OSBPL5: variants seen among roughly 807,000 people sequenced by gnomAD.
OSBPL5 encodes the protein oxysterol binding protein like 5.
Under a neutral mutation model 111.2 loss-of-function variants are expected in OSBPL5, and 71 were observed. The observed-to-expected ratio is 0.64, with a 90% confidence interval of 0.53 to 0.78. OSBPL5 has a LOEUF of 0.78. Among genes scored for constraint, OSBPL5 ranks in the 30% least tolerant of loss-of-function variants. The pLI, the probability that OSBPL5 is intolerant of heterozygous loss-of-function variation, is 0.00. For missense variants in OSBPL5, 1,210 were observed against 1,189.3 expected (o/e 1.02, Z -0.26); for synonymous variants, 549 against 513.9 (o/e 1.07, Z -0.93).
rs1846144152 is a variant in OSBPL5, at chr11:3,142,208, C to T, written c.-21-13039G>A. 6.6e-6 allele frequency among the ~76,000 whole-genome samples: 1 copy of T among 152,236 alleles called. No individual in the cohort carries two copies. The highest frequency in any genetic ancestry group is 2.4e-5 in the African/African-American group (1 of 41,458). On this transcript the variant is annotated intron_variant, in intron 1 of 21. Transcript: ENST00000263650. This position sits in a 1 kb window ranked among gnomAD's most constrained non-coding sequence, Gnocchi z 7.1. ...TGCTGGGATTACAGGCGTGAGCCACCGTGCCCGGCCGACAGCTGGTTTCTG... is the reference window on the plus strand; with the variant it reads ...TGCTGGGATTACAGGCGTGAGCCACTGTGCCCGGCCGACAGCTGGTTTCTG...
chr11:3,130,406 TG>T lies in OSBPL5; in HGVS notation c.-21-1238del, dbSNP rs200747937. Among the ~76,000 whole-genome samples, 1 of 152,094 alleles carries T rather than the reference TG, an allele frequency of 6.6e-6. No homozygotes were observed. The highest frequency in any genetic ancestry group is 2.4e-5 in the African/African-American group (1 of 41,400). The stretch of plus-strand genomic sequence containing the variant: ...TTTCTCCCATGGTCCTGGGCTTTGC[TG>T]GGGGGGGCCTCAGACACACAGAGAC... On this transcript the variant is annotated intron_variant, in intron 1 of 21. Coordinates refer to ENST00000263650, the MANE Select transcript of OSBPL5 (RefSeq NM_020896.4). The surrounding 1 kb of genome is among the most constrained non-coding windows in gnomAD (Gnocchi z 4.5).
intron 17 of OSBPL5, chr11:3,093,325 G>T: frequency 1.1e-6 from 1 of 885,410 alleles, no homozygotes; most frequent in Non-Finnish European, 1.7e-6. Context: ...GGTCACGGCA[G>T]CCGGCTCCTC....
chr11:3,124,467 C>A (rs1018299370), intron 3 of OSBPL5, among the ~76,000 whole-genome samples: 1 of 152,152 alleles, frequency 6.6e-6, no homozygotes, highest in Non-Finnish European at 1.5e-5. Context: ...TCCTGGGAGT[C>A]CCCTGAGCCA....
At chr11:3,157,382 C>T (rs1418078977) in intron 1 of OSBPL5, among the ~76,000 whole-genome samples, 5 of 152,318 alleles carry the variant, frequency 3.3e-5, no homozygotes, top group South Asian at 2.1e-4. Context: ...GAGAAGGTGA[C>T]GTCCCCAGGA....
chr11:3,107,888 A>C lies in OSBPL5; in HGVS notation c.749T>G (p.Leu250Arg). Residue 250 changes from leucine to arginine, a missense_variant, in exon 8 of 22, where the codon CTG (leucine) becomes CGG (arginine). Physicochemically the swap from Leu to Arg is moderately radical, Grantham distance 102. Coordinates refer to ENST00000263650, the MANE Select transcript of OSBPL5 (RefSeq NM_020896.4). This position sits in a 1 kb window ranked among gnomAD's most constrained non-coding sequence, Gnocchi z 6.1. ...GTCTCGGCCCGGCTTGCAGGTGCCC[A>C]GTCTCAGTAGGCTAGAGCAGCGCAG... ...LALRCSSLLR[L>R]GTCKPGRDGE... 6.2e-7 allele frequency: 1 copy of C among 1,605,742 alleles called. No homozygotes were observed. The highest frequency in any genetic ancestry group is 1.3e-5 in the African/African-American group (1 of 75,038).
chr11:3,121,275 C>G lies in OSBPL5; in HGVS notation c.403-651G>C, dbSNP rs2134456632. On this transcript the variant is annotated intron_variant, in intron 5 of 21. Transcript: ENST00000263650. The surrounding 1 kb of genome is among the most constrained non-coding windows in gnomAD (Gnocchi z 4.3). ...GTTTTGCCATTTTGGACAGGCTGGT[C>G]TCAAACTCCTGACCTCAGGTGATCC... 6.6e-6 allele frequency among the ~76,000 whole-genome samples: 1 copy of G among 152,184 alleles called. No homozygotes were observed. The highest frequency in any genetic ancestry group is 2.4e-5 in the African/African-American group (1 of 41,522).
At chr11:3,137,025 C>A (rs1018860153) in intron 1 of OSBPL5, among the ~76,000 whole-genome samples, 4 of 152,172 alleles carry the variant, frequency 2.6e-5, no homozygotes, top group Non-Finnish European at 5.9e-5. Flanking sequence ...GTCAGTGGGT[C>A]CCAAGGAAGG....
Position 3,092,627 on chromosome 11 carries a change from G to T in OSBPL5, c.2133-69C>A. 6.8e-7 allele frequency: 1 copy of T among 1,480,290 alleles called. No homozygotes were observed. 91.7% of individuals were successfully genotyped at this position (1,480,290 alleles called of 1,614,324 possible). A position where few individuals can be genotyped will look rare whatever the true frequency, so the allele number is the denominator to read the frequency against. ...CAGGTGAGGGGGCTGTCCTGGCCCA[G>T]TCTTCAGCCCCCCAACAGTGGCCAG... On this transcript the variant is annotated intron_variant, in intron 18 of 21. Transcript: ENST00000263650. This position sits in a 1 kb window ranked among gnomAD's most constrained non-coding sequence, Gnocchi z 5.4.
In OSBPL5 at chr11:3,103,273, C is replaced by A; in HGVS notation, c.1292G>T (p.Arg431Leu). The A allele has an allele frequency of 1.9e-6, 3 of 1,608,358 alleles. No homozygotes were observed. The highest frequency in any genetic ancestry group is 2.2e-5 in the East Asian group (1 of 44,664). The change falls in exon 11 of 22, where the codon CGG (arginine) becomes CTG (leucine). Residue 431 changes from arginine (R) to leucine (L), a missense_variant. By Grantham distance (102) the Arg-to-Leu change is moderately radical. Coordinates refer to ENST00000263650, the MANE Select transcript of OSBPL5 (RefSeq NM_020896.4). ...CTTGTAGAAGCCAGACAGGTACCAC[C>A]GCAGCACCAGCTTCATGCGGCTGTA... ...DAYSRMKLVL[R>L]WYLSGFYKKP...
chr11:3,098,599 G>A (rs938556815), intron 14 of OSBPL5, among the ~76,000 whole-genome samples: 10 of 143,262 alleles, frequency 7.0e-5, no homozygotes, highest in Admixed American at 2.9e-4. Context: ...TTCAACTCCC[G>A]GGTTCAAGTG....
rs111640193 is a variant in OSBPL5 at position 3,154,910 on chromosome 11, T to TATAATA, written c.-22+10300_-22+10305dup. On this transcript the variant is annotated intron_variant, in intron 1 of 21. Coordinates refer to ENST00000263650, the MANE Select transcript of OSBPL5 (RefSeq NM_020896.4). This position sits in a 1 kb window ranked among gnomAD's most constrained non-coding sequence, Gnocchi z 4.9. The stretch of plus-strand genomic sequence containing the variant: ...TGCACATGTACCCTAGAACTTAAAG[T>TATAATA]ATAATAATAATAATAATAATAAAAA... Among the ~76,000 whole-genome samples the TATAATA allele has an allele frequency of 0.13, 19,507 of 150,830 alleles. 1,310 individuals are homozygous for TATAATA. The highest frequency in any genetic ancestry group is 0.15 in the Admixed American group (2,347 of 15,172).
chr11:3,115,634 A>C (rs1858182681), intron 7 of OSBPL5, among the ~76,000 whole-genome samples: 1 of 152,252 alleles, frequency 6.6e-6, no homozygotes, highest in African/African-American at 2.4e-5. Context: ...ATTAATGTCA[A>C]AGGCACACTG....
In OSBPL5 at chr11:3,110,400, C is replaced by T. The variant is rs975902034; in HGVS notation, c.692-2455G>A. Among the ~76,000 whole-genome samples, 1 of 152,224 alleles carries T rather than the reference C, an allele frequency of 6.6e-6. No homozygotes were observed. Among genetic ancestry groups the T allele is most frequent in the South Asian group, 2.1e-4 (1 of 4,834 alleles). ...TGGAGGATCATCGCAGTCACAGCTG[C>T]CTGAGCGGCCACTCAGGGAACAGCA... On this transcript the variant is annotated intron_variant, in intron 7 of 21. Coordinates refer to ENST00000263650, the MANE Select transcript of OSBPL5 (RefSeq NM_020896.4). The surrounding 1 kb of genome is among the most constrained non-coding windows in gnomAD (Gnocchi z 5.3).
intron 2 of OSBPL5, among the ~76,000 whole-genome samples, chr11:3,128,182 G>A (rs191266317): frequency 9.2e-5 from 14 of 152,272 alleles, no homozygotes; most frequent in African/African-American, 3.4e-4. Context: ...CACGCCCCTC[G>A]AGCCTGGGTG....
chr11:3,092,533 C>A lies in OSBPL5; in HGVS notation c.2158G>T (p.Asp720Tyr). 6.3e-7 allele frequency: 1 copy of A among 1,590,970 alleles called. No individual in the cohort carries two copies. Among genetic ancestry groups the A allele is most frequent in the Admixed American group, 1.8e-5 (1 of 56,938 alleles). The change falls in exon 19 of 22, where the codon GAC (aspartate) becomes TAC (tyrosine). Residue 720 changes from aspartate (D) to tyrosine (Y), a missense_variant. Coordinates refer to ENST00000263650, the MANE Select transcript of OSBPL5 (RefSeq NM_020896.4). This position sits in a 1 kb window ranked among gnomAD's most constrained non-coding sequence, Gnocchi z 5.4. Reference sequence around the variant, plus strand: ...CCGTCTTGCTCAAACTGGGCGATGTCCTTCAGGGGGTCCCAGGGGCTGTGG... The same window carrying A: ...CCGTCTTGCTCAAACTGGGCGATGTACTTCAGGGGGTCCCAGGGGCTGTGG... Reference protein sequence around the residue: ...EDHSPWDPLKDIAQFEQDGIL... With the variant: ...EDHSPWDPLKYIAQFEQDGIL...
At position 3,141,198 on chromosome 11, in the gene OSBPL5, T is replaced by G. The variant is rs548690784; in HGVS notation, c.-21-12029A>C. Among the ~76,000 whole-genome samples, 2 of 152,266 alleles carry G rather than the reference T, an allele frequency of 1.3e-5. No individual in the cohort carries two copies. The highest frequency in any genetic ancestry group is 4.8e-5 in the African/African-American group (2 of 41,542). The stretch of plus-strand genomic sequence containing the variant: ...AGGCTTCCCCCCGCCCAGCAGACAG[T>G]ATCGTCATCATGTGTGATGCAGGGA... On this transcript the variant is annotated intron_variant, in intron 1 of 21. Coordinates refer to ENST00000263650, the MANE Select transcript of OSBPL5 (RefSeq NM_020896.4). This position sits in a 1 kb window ranked among gnomAD's most constrained non-coding sequence, Gnocchi z 6.5.
In OSBPL5 at chr11:3,142,577, T is replaced by C. The variant is rs949444744; in HGVS notation, c.-21-13408A>G. On this transcript the variant is annotated intron_variant, in intron 1 of 21. Transcript: ENST00000263650. This position sits in a 1 kb window ranked among gnomAD's most constrained non-coding sequence, Gnocchi z 7.1. ...GAAACAGGAAAATGAAATGAATGAC[T>C]CCATCCTACAGGTCTGAGAGTCACC... Among the ~76,000 whole-genome samples the C allele has an allele frequency of 2.0e-5, 3 of 152,150 alleles. No homozygotes were observed. Among genetic ancestry groups the C allele is most frequent in the African/African-American group, 7.2e-5 (3 of 41,438 alleles).
At chr11:3,125,818 A>C (rs1325755165) in intron 3 of OSBPL5, among the ~76,000 whole-genome samples, 1 of 146,916 alleles carries the variant, frequency 6.8e-6, no homozygotes, top group African/African-American at 2.5e-5. Flanking sequence ...AAAAAAAAAA[A>C]AAAAATACAA....
chr11:3,116,854 C>CAAAAAAAAAAAAA lies in OSBPL5; in HGVS notation c.691+2680_691+2692dup, dbSNP rs371907970. Among the ~76,000 whole-genome samples the CAAAAAAAAAAAAA allele has an allele frequency of 1.5e-4, 11 of 75,484 alleles. 1 individual carries two copies. The highest frequency in any genetic ancestry group is 3.6e-4 in the African/African-American group (8 of 22,056). The allele number at this position is 75,484 out of a possible 152,430, so 49.5% of individuals were successfully genotyped here. A position where few individuals can be genotyped will look rare whatever the true frequency, so the allele number is the denominator to read the frequency against. The stretch of plus-strand genomic sequence containing the variant: ...TGGGCAACAGAGTGAGACTCCATCA[C>CAAAAAAAAAAAAA]AAAAAAAAAAAAAAAAAAGAAGTGT... On this transcript the variant is annotated intron_variant, in intron 7 of 21. Coordinates refer to ENST00000263650, the MANE Select transcript of OSBPL5 (RefSeq NM_020896.4).
Sources: allele counts gnomAD v4.1 joint callset (sites outside exome capture counted in the v4.1 genomes callset), GRCh38; gene constraint gnomAD v4.1.1; non-coding constraint Gnocchi (gnomAD v3.1); transcripts MANE v1.5; gene names NCBI Gene and HGNC (gene_info 2026-07-23, HGNC 2026-07-21).